Variants in DACH2 observed in about 807,000 individuals in gnomAD.
The protein encoded by DACH2 is dachshund family transcription factor 2, also known as dachshund homolog 2.
DACH2 carries 17 observed loss-of-function variants against 35.8 expected under a neutral mutation model. The ratio of observed to expected loss-of-function variants is 0.48; its 90% CI spans 0.33 to 0.71. The LOEUF is 0.71. DACH2 is among the 30% of genes least tolerant of loss of function. DACH2 has a pLI of 0.02. For synonymous variants in DACH2, 195 were observed against 177.3 expected, an observed-to-expected ratio of 1.10 and a Z score of -0.79; for missense variants, 469 against 472.7, an observed-to-expected ratio of 0.99 and a Z score of 0.07.
chrX:86,246,214 G>A (rs2033280049), intron 1 of DACH2, among the ~76,000 whole-genome samples: 1 of 111,590 alleles, frequency 9.0e-6, no homozygotes, highest in Non-Finnish European at 1.9e-5. Flanking sequence ...TGAAAGTGAG[G>A]GAGAGAACAC....
rs2042620714 is a variant in DACH2 at position 86,832,295 on chromosome X, T to TA, written c.*146dup. The TA allele has an allele frequency of 1.0e-5, 5 of 501,630 alleles. No individual in the cohort carries two copies. The highest frequency in any genetic ancestry group is 6.4e-5 in the South Asian group (2 of 31,447). The allele number at this position is 501,630 out of a possible 1,213,427, so 41.3% of individuals were successfully genotyped here. On this transcript the variant is annotated 3_prime_UTR_variant, in exon 12 of 12. Transcript: ENST00000373125. ...AGGAGCTATTTAATCTATGTTACAT[T>TA]AAAAAAGAAACGCGTGTACATTTTA...
intron 5 of DACH2, among the ~76,000 whole-genome samples, chrX:86,707,134 A>G (rs1438291514): frequency 1.8e-5 from 2 of 110,861 alleles, no homozygotes; most frequent in Non-Finnish European, 3.8e-5. Context: ...GCAAATTACT[A>G]TCATCAGAAA....
At chrX:86,394,127 T>A (rs1022847196) in intron 2 of DACH2, among the ~76,000 whole-genome samples, 5 of 109,454 alleles carry the variant, frequency 4.6e-5, no homozygotes, top group African/African-American at 1.7e-4. Context: ...CATTAACTAC[T>A]TTTTTTTGTA....
At chrX:86,809,518 A>AG (rs1474029640) in intron 7 of DACH2, among the ~76,000 whole-genome samples, 2 of 111,133 alleles carry the variant, frequency 1.8e-5, no homozygotes, top group Non-Finnish European at 3.8e-5. Flanking sequence ...ATAGGAAAAA[A>AG]AAATCTGATG....
At chrX:86,404,298 G>A (rs1266454748) in intron 2 of DACH2, among the ~76,000 whole-genome samples, 1 of 111,305 alleles carries the variant, frequency 9.0e-6, no homozygotes, top group Admixed American at 9.5e-5. Flanking sequence ...CTGAGACAAG[G>A]CAAGGCCCCT....
At chrX:86,597,063 A>G (rs1235076603) in intron 3 of DACH2, among the ~76,000 whole-genome samples, 3 of 111,647 alleles carry the variant, frequency 2.7e-5, no homozygotes, top group Non-Finnish European at 5.7e-5. Context: ...GAAATTGGGA[A>G]GTTTGAGTCC....
chrX:86,809,500 C>T (rs114482144), intron 7 of DACH2, among the ~76,000 whole-genome samples: 931 of 93,025 alleles, frequency 0.01, 10 homozygotes, highest in African/African-American at 0.031. Context: ...TTGTAGCAAA[C>T]GAGTTAAATA....
intron 7 of DACH2, among the ~76,000 whole-genome samples, chrX:86,811,533 T>G (rs781349894): frequency 1.2e-3 from 129 of 111,938 alleles, no homozygotes; most frequent in Non-Finnish European, 2.1e-3. Flanking sequence ...AGTCACTGAA[T>G]GTTTTTTCTG....
chrX:86,663,481 A>G (rs753496693), intron 4 of DACH2, among the ~76,000 whole-genome samples: 15 of 111,609 alleles, frequency 1.3e-4, no homozygotes, highest in Non-Finnish European at 2.4e-4. Flanking sequence ...TCAGTTGTTT[A>G]CATGTTAGTG....
chrX:86,449,532 A>T (rs957071996), intron 2 of DACH2, among the ~76,000 whole-genome samples: 6 of 111,284 alleles, frequency 5.4e-5, no homozygotes, highest in African/African-American at 1.3e-4. Flanking sequence ...CTATTTTAAA[A>T]ATTGTTTTCT....
chrX:86,415,266 C>A (rs1429753553), intron 2 of DACH2, among the ~76,000 whole-genome samples: 1 of 111,901 alleles, frequency 8.9e-6, no homozygotes, highest in African/African-American at 3.2e-5. Flanking sequence ...CAACGTAGGA[C>A]TAATTTCTGT....
chrX:86,359,496 C>T (rs2035702803), intron 1 of DACH2, among the ~76,000 whole-genome samples: 1 of 111,538 alleles, frequency 9.0e-6, no homozygotes. Context: ...ACCTGTAATC[C>T]CAGCACTTTG....
chrX:86,679,610 CTG>C (rs1219768248), intron 4 of DACH2, among the ~76,000 whole-genome samples: 4 of 89,805 alleles, frequency 4.5e-5, no homozygotes, highest in Non-Finnish European at 4.4e-5. Flanking sequence ...CTCTCTCTCT[CTG>C]TCTCTGTGTG....
intron 7 of DACH2, among the ~76,000 whole-genome samples, chrX:86,809,741 G>A (rs2042377760): frequency 9.0e-6 from 1 of 110,653 alleles, no homozygotes; most frequent in African/African-American, 3.3e-5. Flanking sequence ...GGGACAGGTA[G>A]GATATGAACA....
chrX:86,410,443 G>A (rs2036591573), intron 2 of DACH2, among the ~76,000 whole-genome samples: 1 of 110,935 alleles, frequency 9.0e-6, no homozygotes, highest in African/African-American at 3.3e-5. Flanking sequence ...TTAATATTTT[G>A]GTCTTGTGAA....
intron 1 of DACH2, among the ~76,000 whole-genome samples, chrX:86,298,534 T>C (rs1237395251): frequency 5.4e-5 from 6 of 111,770 alleles, no homozygotes; most frequent in Non-Finnish European, 3.8e-5. Context: ...ATAAACTGGG[T>C]AAAGTGCATT....
chrX:86,316,117 T>TTTTG (rs913041586), intron 1 of DACH2, among the ~76,000 whole-genome samples: 2 of 87,312 alleles, frequency 2.3e-5, no homozygotes, highest in African/African-American at 3.8e-5. Context: ...CTGTGCTGTT[T>TTTTG]TTTGTTTGTT....
intron 2 of DACH2, among the ~76,000 whole-genome samples, chrX:86,440,224 T>C (rs1480366727): frequency 9.0e-6 from 1 of 111,133 alleles, no homozygotes; most frequent in Non-Finnish European, 1.9e-5. Context: ...GGTGTTAGAG[T>C]CTCCTGCTCT....
chrX:86,259,296 A>C (rs191979781), intron 1 of DACH2, among the ~76,000 whole-genome samples: 1 of 111,875 alleles, frequency 8.9e-6, no homozygotes, highest in East Asian at 2.8e-4. Context: ...AGAGTTGTGA[A>C]TTTGCAATTA....
Sources: allele counts gnomAD v4.1 joint callset (sites outside exome capture counted in the v4.1 genomes callset), GRCh38; gene constraint gnomAD v4.1.1; transcripts MANE v1.5; gene names NCBI Gene and HGNC (gene_info 2026-07-23, HGNC 2026-07-21).